The following PPFIA2 variants were observed in gnomAD, a reference collection of about 807,000 sequenced individuals.
The protein encoded by PPFIA2 is PPFI scaffold protein A2.
Under a neutral mutation model 175.5 loss-of-function variants are expected in PPFIA2, and 46 were observed. The observed-to-expected ratio is 0.26, with a 90% CI of 0.21 to 0.34. PPFIA2 has a LOEUF of 0.34. Ranked by LOEUF, PPFIA2 falls within the 10% of genes least tolerant of loss-of-function variation. The pLI, the probability that PPFIA2 is intolerant of heterozygous loss-of-function variation, is 1.00. For synonymous variants in PPFIA2, 568 were observed against 511.4 expected, an observed-to-expected ratio of 1.11 and a Z score of -1.49; for missense variants, 1,179 against 1,506.1, an observed-to-expected ratio of 0.78 and a Z score of 3.60.
At chr12:81,505,271 T>TA (rs575686286) in intron 4 of PPFIA2, among the ~76,000 whole-genome samples, 11,488 of 127,368 alleles carry the variant, frequency 0.09, 528 homozygotes, top group East Asian at 0.22. Flanking sequence ...AAAGTATAAT[T>TA]AAAAAAAAAA....
Position 81,503,386 on chromosome 12 carries a change from C to T in PPFIA2, c.304-45520G>A, listed in dbSNP as rs1438423381. ...AACTCTGTCAAATTTCCACCATCCA[C>T]ATGATAAAGACCAAATGGTTTTCCC... On this transcript the variant is annotated intron_variant, in intron 4 of 32. Coordinates refer to ENST00000549396, the MANE Select transcript of PPFIA2 (RefSeq NM_003625.5). 4.6e-5 allele frequency among the ~76,000 whole-genome samples: 7 copies of T among 152,142 alleles called. No individual in the cohort carries two copies. The South Asian group carries it at 8.3e-4, about 18-fold the overall frequency.
intron 18 of PPFIA2, among the ~76,000 whole-genome samples, chr12:81,345,438 T>C (rs1412592639): frequency 6.6e-6 from 1 of 152,082 alleles, no homozygotes; most frequent in Admixed American, 6.6e-5. Flanking sequence ...ATTTATTTAT[T>C]ACTAATTGTT....
At chr12:81,350,802 G>T (rs1234085349) in intron 17 of PPFIA2, among the ~76,000 whole-genome samples, 7 of 125,632 alleles carry the variant, frequency 5.6e-5, no homozygotes, top group African/African-American at 2.0e-4. Context: ...AATGGTTATT[G>T]TCATAAGGTA....
At chr12:81,598,042 C>G in intron 4 of PPFIA2, 1 of 1,534,770 alleles carries the variant, frequency 6.5e-7, no homozygotes, top group Non-Finnish European at 8.7e-7. Flanking sequence ...TTTCTGATCA[C>G]TGAGACAATA....
chr12:81,418,449 A>T (rs993089784), intron 7 of PPFIA2, among the ~76,000 whole-genome samples: 1 of 151,980 alleles, frequency 6.6e-6, no homozygotes, highest in Non-Finnish European at 1.5e-5. Flanking sequence ...GACATTTTTG[A>T]ATAGTTGAAA....
chr12:81,457,273 C>T (rs1026032667), intron 5 of PPFIA2, among the ~76,000 whole-genome samples: 1 of 150,630 alleles, frequency 6.6e-6, no homozygotes, highest in African/African-American at 2.4e-5. Context: ...CATGAGGCAT[C>T]GCGTCCGGCC....
intron 8 of PPFIA2, among the ~76,000 whole-genome samples, chr12:81,397,040 G>A (rs1438791917): frequency 6.6e-6 from 1 of 151,952 alleles, no homozygotes; most frequent in Non-Finnish European, 1.5e-5. Context: ...TTTTTAAGGG[G>A]GGATATCAAA....
intron 6 of PPFIA2, among the ~76,000 whole-genome samples, chr12:81,440,544 G>A (rs1307515256): frequency 2.0e-5 from 3 of 151,788 alleles, no homozygotes; most frequent in Admixed American, 1.3e-4. Flanking sequence ...AATGTTCTTC[G>A]CTTCTCTGTT....
chr12:81,717,773 G>A (rs1379594542), intron 3 of PPFIA2, among the ~76,000 whole-genome samples: 2 of 151,696 alleles, frequency 1.3e-5, no homozygotes. Flanking sequence ...CTCCATGTAA[G>A]GAGAATCTGA....
intron 4 of PPFIA2, among the ~76,000 whole-genome samples, chr12:81,672,202 T>A (rs964311315): frequency 2.4e-4 from 37 of 152,104 alleles, no homozygotes; most frequent in Non-Finnish European, 3.8e-4. Flanking sequence ...GTTGAAATAA[T>A]TTAAATTAGG....
chr12:81,532,252 G>T (rs1448800220), intron 4 of PPFIA2, among the ~76,000 whole-genome samples: 1 of 151,752 alleles, frequency 6.6e-6, no homozygotes, highest in Non-Finnish European at 1.5e-5. Context: ...CTTGGGTTGT[G>T]GGGTGGACAT....
chr12:81,533,851 T>A (rs571950732), intron 4 of PPFIA2, among the ~76,000 whole-genome samples: 1 of 151,360 alleles, frequency 6.6e-6, no homozygotes, highest in Non-Finnish European at 1.5e-5. Context: ...AGTCACTGTA[T>A]CATCCTAGTA....
At chr12:81,436,386 C>T (rs975605739) in intron 7 of PPFIA2, among the ~76,000 whole-genome samples, 3 of 138,848 alleles carry the variant, frequency 2.2e-5, no homozygotes, top group Non-Finnish European at 3.0e-5. Flanking sequence ...TTTAGTCATA[C>T]GCAGGACTTT....
intron 4 of PPFIA2, among the ~76,000 whole-genome samples, chr12:81,654,529 A>C (rs1292365718): frequency 6.6e-6 from 1 of 152,124 alleles, no homozygotes; most frequent in African/African-American, 2.4e-5. Flanking sequence ...TTCTGGCTAT[A>C]TAATGAGTAT....
rs749189142 is a variant in PPFIA2 at position 81,384,142 on chromosome 12, C to G, written c.865G>C (p.Glu289Gln). Residue 289 changes from glutamate to glutamine, a missense_variant, in exon 9 of 33, where the codon GAA becomes CAA. Physicochemically the swap from Glu to Gln is conservative, Grantham distance 29. This residue lies in a region of PPFIA2 where 226 missense variants were observed against 216.6 expected (regional missense o/e 1.04). Transcript: ENST00000549396. ...KQNYEMAQMK[E>Q]RLAALSSRVG... ...CGGGAAGAAAGGGCTGCTAAACGTTCTTTCATCTGGGCCATTTCATAGTTT... is the reference window on the plus strand; with the variant it reads ...CGGGAAGAAAGGGCTGCTAAACGTTGTTTCATCTGGGCCATTTCATAGTTT... The G allele has an allele frequency of 3.7e-6, 6 of 1,612,622 alleles. No individual in the cohort carries two copies. Among genetic ancestry groups the G allele is most frequent in the Non-Finnish European group, 4.2e-6 (5 of 1,179,188 alleles).
chr12:81,699,410 T>C (rs1294872618), intron 3 of PPFIA2, among the ~76,000 whole-genome samples: 1 of 151,860 alleles, frequency 6.6e-6, no homozygotes, highest in Non-Finnish European at 1.5e-5. Flanking sequence ...CTTCTTAGTA[T>C]AAAGGTTTTT....
chr12:81,636,602 A>C (rs2064091430), intron 4 of PPFIA2, among the ~76,000 whole-genome samples: 1 of 151,030 alleles, frequency 6.6e-6, no homozygotes, highest in African/African-American at 2.4e-5. Context: ...GTAAAGGAAA[A>C]GAGACAGCTC....
intron 15 of PPFIA2, among the ~76,000 whole-genome samples, chr12:81,359,931 G>A (rs1484708191): frequency 1.3e-5 from 2 of 151,788 alleles, no homozygotes; most frequent in African/African-American, 2.4e-5. Context: ...GGTACTCTCT[G>A]CCTAGCTTTT....
chr12:81,273,691 G>T (rs2039758944), intron 28 of PPFIA2, among the ~76,000 whole-genome samples: 1 of 152,048 alleles, frequency 6.6e-6, no homozygotes, highest in Admixed American at 6.6e-5. Flanking sequence ...AACTCCTTTT[G>T]TGGATAGAAT....
Sources: allele counts gnomAD v4.1 joint callset (sites outside exome capture counted in the v4.1 genomes callset), GRCh38; gene constraint gnomAD v4.1.1; regional missense constraint gnomAD v4.1.1; transcripts MANE v1.5; gene names NCBI Gene and HGNC (gene_info 2026-07-23, HGNC 2026-07-21).